Variants in SYNE1 observed in about 807,000 individuals in gnomAD.
The protein encoded by SYNE1 is nesprin-1.
A neutral mutation model predicts 1,111.0 loss-of-function variants in SYNE1; 616 were observed. The observed-to-expected ratio is 0.55, with a 90% confidence interval of 0.52 to 0.59. The LOEUF is 0.59. SYNE1 is among the 20% of genes least tolerant of loss of function. The pLI is 0.00. For synonymous variants in SYNE1, 3,855 were observed against 3,825.8 expected (o/e 1.01, Z -0.28); for missense variants, 10,006 against 10,417.0 (o/e 0.96, Z 1.72).
chr6:152,431,222 T>C (rs1261602198), intron 34 of SYNE1, among the ~76,000 whole-genome samples: 1 of 152,212 alleles, frequency 6.6e-6, no homozygotes. Flanking sequence ...CATCTATTCT[T>C]GATGCCAGTG....
At chr6:152,242,479 A>G (rs762454447) in intron 106 of SYNE1, 39 bp from the exon 107 acceptor site, 25 of 1,609,946 alleles carry the variant, frequency 1.6e-5, no homozygotes, top group Non-Finnish European at 1.8e-5. Context: ...CTCAATTCAT[A>G]TTCTGGCAAC....
At position 152,428,684 on chromosome 6, in the gene SYNE1, A is replaced by G. The variant is rs147447870; in HGVS notation, c.4789-292T>C. 8.5e-5 allele frequency among the ~76,000 whole-genome samples: 13 copies of G among 152,280 alleles called. No homozygotes were observed. In the East Asian group the frequency reaches 2.5e-3, roughly 29 times the overall value. On this transcript the variant is annotated intron_variant, in intron 36 of 145. Coordinates refer to ENST00000367255, the MANE Select transcript of SYNE1 (RefSeq NM_182961.4). ...AAATATTTTAGGTGATGAAGGTCCC[A>G]ATTCCACTGATTTTACTTTTACAAA...
At chr6:152,274,423 G>A (rs902851544) in intron 98 of SYNE1, among the ~76,000 whole-genome samples, 6 of 151,222 alleles carry the variant, frequency 4.0e-5, no homozygotes, top group African/African-American at 7.3e-5. Context: ...AAAGATTTGT[G>A]AATTGCATAG....
Position 152,365,002 on chromosome 6 carries a change from T to C in SYNE1, c.9990A>G (p.Lys3330=), listed in dbSNP as rs779326675. The change falls in exon 63 of 146, where the codon AAA becomes AAG. Residue 3330 remains lysine (K), a synonymous_variant. Transcript: ENST00000367255. ...TLKLEALLSV[K]QEKEIQMKMI... ...TTTTCATCTGAATCTCTTTTTCCTG[T>C]TTGACTGATAATAGAGCCTGTGAAA... 9 of 1,614,234 alleles carry C rather than the reference T, an allele frequency of 5.6e-6. No homozygotes were observed. The highest frequency in any genetic ancestry group is 7.6e-6 in the Non-Finnish European group (9 of 1,180,046).
Position 152,350,331 on chromosome 6 carries a change from T to C in SYNE1, c.11738A>G (p.His3913Arg), listed in dbSNP as rs745947629. The C allele has an allele frequency of 1.9e-6, 3 of 1,614,170 alleles. No homozygotes were observed. The highest frequency in any genetic ancestry group is 2.2e-5 in the East Asian group (1 of 44,868). The stretch of plus-strand genomic sequence containing the variant: ...GACTTTCGCCTCCAGACTGAAGACA[T>C]GCTCCTGCAAAACCAGGTGTCCATC... ...YQDLCSIGKE[H>R]VFSLEAKVKD... The change falls in exon 72 of 146, where the codon CAT becomes CGT. Residue 3913 changes from histidine to arginine, a missense_variant. This residue lies in a region of SYNE1 where 4,955 missense variants were observed against 5,017.2 expected (regional missense o/e 0.99). Coordinates refer to ENST00000367255, the MANE Select transcript of SYNE1 (RefSeq NM_182961.4).
chr6:152,449,902 G>GAAA (rs1486018483), intron 27 of SYNE1, among the ~76,000 whole-genome samples: 2 of 152,186 alleles, frequency 1.3e-5, no homozygotes, highest in Non-Finnish European at 2.9e-5. Flanking sequence ...ATGAGCACCT[G>GAAA]AAAAGAAGGA....
chr6:152,134,002 G>A (rs971057015), intron 142 of SYNE1: 2 of 165,286 alleles, frequency 1.2e-5, no homozygotes, highest in Admixed American at 1.1e-4. Flanking sequence ...GACTATTATG[G>A]TACTGAATTA....
intron 93 of SYNE1, among the ~76,000 whole-genome samples, chr6:152,300,273 T>C (rs1320152996): frequency 6.6e-6 from 1 of 152,222 alleles, no homozygotes; most frequent in African/African-American, 2.4e-5. Context: ...TTTCAATGCA[T>C]GTTATAAAGC....
chr6:152,130,349 A>G (rs924110093), intron 145 of SYNE1, among the ~76,000 whole-genome samples: 14 of 152,238 alleles, frequency 9.2e-5, no homozygotes, highest in South Asian at 4.1e-4. Flanking sequence ...AAAAGAATTC[A>G]CTGATCGATT....
At chr6:152,353,855 T>A (rs1253537212) in intron 67 of SYNE1, 111 bp from the exon 68 acceptor site, 2 of 1,398,842 alleles carry the variant, frequency 1.4e-6, no homozygotes, top group African/African-American at 2.8e-5. Context: ...AGATGTTTAT[T>A]TTGAGATTTA....
At chr6:152,190,061 T>A (rs901346428) in intron 127 of SYNE1, among the ~76,000 whole-genome samples, 1 of 152,248 alleles carries the variant, frequency 6.6e-6, no homozygotes. Context: ...CCTTTGTTGT[T>A]ACTTCAACAA....
At position 152,236,219 on chromosome 6, in the gene SYNE1, A is replaced by G; in HGVS notation, c.20284T>C (p.Cys6762Arg). 3.7e-6 allele frequency: 6 copies of G among 1,614,186 alleles called. No individual in the cohort carries two copies. Among genetic ancestry groups the G allele is most frequent in the Non-Finnish European group, 5.1e-6 (6 of 1,180,002 alleles). ...DGKRLLISIS[C>R]SDLESQLNQL... is the part of the protein sequence containing the mutation. ...TTTAGTTGGCTTTCTAGATCTGAGC[A>G]GCTGATGGATATCAGAAGTCGTTTC... Residue 6762 changes from cysteine (C) to arginine (R), a missense_variant, in exon 110 of 146, where the codon TGC (cysteine) becomes CGC (arginine). By Grantham distance (180) the Cys-to-Arg change is radical. Transcript: ENST00000367255.
intron 4 of SYNE1, among the ~76,000 whole-genome samples, chr6:152,539,333 T>C (rs2099258611): frequency 6.6e-6 from 1 of 152,196 alleles, no homozygotes; most frequent in South Asian, 2.1e-4. Flanking sequence ...GCTTATTTTT[T>C]CATCAGCAGT....
intron 20 of SYNE1, among the ~76,000 whole-genome samples, chr6:152,462,203 A>G (rs963449324): frequency 5.3e-5 from 8 of 152,114 alleles, no homozygotes; most frequent in Non-Finnish European, 8.8e-5. Flanking sequence ...TAAAACCCAA[A>G]GCCAACATCT....
rs746663181 is a variant in SYNE1, at chr6:152,309,913, G to C, written c.17124C>G (p.Leu5708=). Residue 5708 remains leucine, a synonymous_variant, in exon 90 of 146, where the codon CTC becomes CTG. Coordinates refer to ENST00000367255, the MANE Select transcript of SYNE1 (RefSeq NM_182961.4). ...CCTGCAGCCGCAGAGCAGCATGACA[G>C]AGAGGTAAGCTGGCAACCACATCCT... is the stretch of plus-strand genomic sequence containing the variant. ...IPEDVVASLP[L]CHAALRLQEE... is the part of the protein sequence containing the mutation. The C allele has an allele frequency of 1.9e-6, 3 of 1,614,160 alleles. No individual in the cohort carries two copies. The highest frequency in any genetic ancestry group is 2.5e-6 in the Non-Finnish European group (3 of 1,180,048).
intron 127 of SYNE1, among the ~76,000 whole-genome samples, chr6:152,200,051 C>T (rs779362487): frequency 6.6e-6 from 1 of 152,276 alleles, no homozygotes; most frequent in South Asian, 2.1e-4. Context: ...AGATTTTCCA[C>T]TTTTCACACC....
chr6:152,274,499 T>A (rs1381163507), intron 98 of SYNE1, among the ~76,000 whole-genome samples: 1 of 152,126 alleles, frequency 6.6e-6, no homozygotes, highest in African/African-American at 2.4e-5. Context: ...TGTCTATGTC[T>A]TTCAATTTGG....
rs1171437866 is a variant in SYNE1, at chr6:152,331,304, C to T, written c.13381G>A (p.Ala4461Thr). 9.3e-6 allele frequency: 15 copies of T among 1,614,024 alleles called. No individual in the cohort carries two copies. The highest frequency in any genetic ancestry group is 1.3e-5 in the Non-Finnish European group (15 of 1,180,034). ...ALSEKTQFLM[A>T]VFQATSQIQQ... ...ATTTGGCTGGTGGCCTGGAACACTG[C>T]CATGAGAAACTGGGTTTTCTCGGAC... The change falls in exon 78 of 146, where the codon GCA (alanine) becomes ACA (threonine). Residue 4461 changes from alanine (A) to threonine (T), a missense_variant. Coordinates refer to ENST00000367255, the MANE Select transcript of SYNE1 (RefSeq NM_182961.4).
rs770580544 is a variant in SYNE1, at chr6:152,433,786, G to A, written c.4461+9C>T. ...CATGGATTATAAATATAATGTGTGAGCAGGTCACCTTAATTTGGCTGATTT... is the reference window on the plus strand; with the variant it reads ...CATGGATTATAAATATAATGTGTGAACAGGTCACCTTAATTTGGCTGATTT... On this transcript the variant is annotated intron_variant, in intron 34 of 145. Coordinates refer to ENST00000367255, the MANE Select transcript of SYNE1 (RefSeq NM_182961.4). The A allele has an allele frequency of 6.8e-6, 11 of 1,613,448 alleles. No homozygotes were observed. Among genetic ancestry groups the A allele is most frequent in the Middle Eastern group, 1.6e-4 (1 of 6,082 alleles).
Sources: allele counts gnomAD v4.1 joint callset (sites outside exome capture counted in the v4.1 genomes callset), GRCh38; gene constraint gnomAD v4.1.1; regional missense constraint gnomAD v4.1.1; transcripts MANE v1.5; gene names NCBI Gene and HGNC (gene_info 2026-07-23, HGNC 2026-07-21).